EYS: variants seen among roughly 807,000 people sequenced by gnomAD.
EYS encodes EGF-like photoreceptor maintenance factor.
A neutral mutation model predicts 282.1 loss-of-function variants in EYS; 250 were observed. That is an observed-to-expected ratio of 0.89 (90% confidence interval 0.80 to 0.98). The LOEUF (loss-of-function observed/expected upper bound fraction) is 0.98, where lower values mean the gene tolerates loss of function less well. Among genes scored for constraint, EYS ranks in the 50% least tolerant of loss-of-function variants. The pLI is 0.00. For missense variants in EYS, 4,016 were observed against 3,709.0 expected, an observed-to-expected ratio of 1.08 and a Z score of -2.15; for synonymous variants, 1,355 against 1,282.9, an observed-to-expected ratio of 1.06 and a Z score of -1.20.
Position 65,044,267 on chromosome 6 carries a change from C to T in EYS, c.2137+13347G>A, listed in dbSNP as rs536437714. Among the ~76,000 whole-genome samples the T allele has an allele frequency of 2.0e-5, 3 of 150,192 alleles. No individual in the cohort carries two copies. In the East Asian group the frequency reaches 6.2e-4, roughly 31 times the overall value. ...TTTTTGTTATAGAGTTGTTTTTGTT[C>T]CTTATATATTTTGGATATTAATTCC... On this transcript the variant is annotated intron_variant, in intron 13 of 42. Transcript: ENST00000503581.
intron 11 of EYS, chr6:65,302,960 G>A (rs2150292060): frequency 6.2e-7 from 1 of 1,607,250 alleles, no homozygotes; most frequent in Middle Eastern, 1.7e-4. Context: ...TTCCGAAAAT[G>A]TTCCTAGCCC....
At chr6:63,934,234 A>T (rs1266257571) in intron 35 of EYS, among the ~76,000 whole-genome samples, 1 of 152,210 alleles carries the variant, frequency 6.6e-6, no homozygotes, top group Non-Finnish European at 1.5e-5. Context: ...GGCGATCATT[A>T]AAAAATCAGG....
At chr6:64,864,174 A>G (rs1238510246) in intron 19 of EYS, among the ~76,000 whole-genome samples, 1 of 152,060 alleles carries the variant, frequency 6.6e-6, no homozygotes, top group Admixed American at 6.6e-5. Flanking sequence ...GTTACTAATC[A>G]TAAGTCATAC....
intron 11 of EYS, among the ~76,000 whole-genome samples, chr6:65,297,769 A>G (rs1203063924): frequency 6.6e-6 from 1 of 152,028 alleles, no homozygotes; most frequent in Non-Finnish European, 1.5e-5. Context: ...CTTCCCTTCA[A>G]TACCTTTCCT....
At chr6:64,188,325 A>T (rs536836491) in intron 31 of EYS, among the ~76,000 whole-genome samples, 1 of 152,242 alleles carries the variant, frequency 6.6e-6, no homozygotes, top group Admixed American at 6.6e-5. Context: ...AATAGTTCTG[A>T]TCATCTTTTT....
chr6:65,405,859 T>G (rs958898670), intron 5 of EYS, among the ~76,000 whole-genome samples: 3 of 152,136 alleles, frequency 2.0e-5, no homozygotes, highest in African/African-American at 4.8e-5. Flanking sequence ...TTTCAGTTTT[T>G]GGTTCTCATG....
At chr6:65,242,876 C>T (rs542454008) in intron 12 of EYS, among the ~76,000 whole-genome samples, 2 of 151,966 alleles carry the variant, frequency 1.3e-5, no homozygotes, top group South Asian at 2.1e-4. Context: ...CTAATGATGT[C>T]AAGTATATTT....
At chr6:65,279,146 G>A (rs1412499662) in intron 12 of EYS, among the ~76,000 whole-genome samples, 1 of 151,822 alleles carries the variant, frequency 6.6e-6, no homozygotes, top group African/African-American at 2.4e-5. Context: ...CCAAGATCAC[G>A]CCACTGCACT....
intron 22 of EYS, among the ~76,000 whole-genome samples, chr6:64,721,625 ACT>A (rs1771585290): frequency 6.6e-6 from 1 of 151,992 alleles, no homozygotes; most frequent in Non-Finnish European, 1.5e-5. Context: ...AATTTATTCT[ACT>A]CTGTCATTTT....
intron 29 of EYS, among the ~76,000 whole-genome samples, chr6:64,362,753 A>C: frequency 6.6e-6 from 1 of 151,922 alleles, no homozygotes; most frequent in South Asian, 2.1e-4. Flanking sequence ...ACTATAAAAT[A>C]ATATGAAGTA....
intron 22 of EYS, among the ~76,000 whole-genome samples, chr6:64,759,958 C>T: frequency 6.6e-6 from 1 of 152,084 alleles, no homozygotes; most frequent in East Asian, 1.9e-4. Flanking sequence ...ATATTTGAGG[C>T]AAAAAAATGT....
rs1276184135 is a variant in EYS at position 63,762,534 on chromosome 6, T to C, written c.7998A>G (p.Ala2666=). 4 of 1,550,312 alleles carry C rather than the reference T, an allele frequency of 2.6e-6. No homozygotes were observed. Among genetic ancestry groups the C allele is most frequent in the Non-Finnish European group, 3.5e-6 (4 of 1,146,128 alleles). The change falls in exon 41 of 43, where the codon GCA becomes GCG. Residue 2666 remains alanine, a synonymous_variant. Transcript: ENST00000503581. ...ATCCATGAGGTAATGAAATGCAGGT[T>C]GCTCCTCTGCTACAGTGGTGTGGAG... ...HDPPHHCSRG[A]TCISLPHGYT...
chr6:64,352,509 C>T (rs1308511345), intron 29 of EYS, among the ~76,000 whole-genome samples: 2 of 151,492 alleles, frequency 1.3e-5, no homozygotes, highest in Admixed American at 6.6e-5. Context: ...CCCCACTAAC[C>T]TATGAAACCC....
chr6:64,331,571 A>T (rs1210395776), intron 29 of EYS, among the ~76,000 whole-genome samples: 3 of 143,530 alleles, frequency 2.1e-5, no homozygotes, highest in Non-Finnish European at 4.5e-5. Context: ...AAGTTCTCAG[A>T]TGGGAGGCTC....
At chr6:65,393,346 G>A (rs568582092) in intron 7 of EYS, among the ~76,000 whole-genome samples, 2 of 152,076 alleles carry the variant, frequency 1.3e-5, no homozygotes, top group East Asian at 3.9e-4. Context: ...CCTTATAAAT[G>A]TGACTATTGA....
intron 12 of EYS, among the ~76,000 whole-genome samples, chr6:65,131,781 C>T (rs1190406587): frequency 6.6e-6 from 1 of 151,718 alleles, no homozygotes; most frequent in Non-Finnish European, 1.5e-5. Context: ...TCAACAAATC[C>T]AGGAGTTGGT....
chr6:63,848,953 G>T (rs1772171626), intron 36 of EYS, among the ~76,000 whole-genome samples: 1 of 152,212 alleles, frequency 6.6e-6, no homozygotes. Context: ...CTTGCTGCCA[G>T]CACAGCAGTC....
At chr6:63,933,616 G>A (rs1470493684) in intron 35 of EYS, among the ~76,000 whole-genome samples, 1 of 152,124 alleles carries the variant, frequency 6.6e-6, no homozygotes, top group Non-Finnish European at 1.5e-5. Flanking sequence ...GAGGTCTGGG[G>A]TGGGGCTGAA....
At chr6:64,132,207 A>T (rs1049955071) in intron 31 of EYS, among the ~76,000 whole-genome samples, 1 of 152,124 alleles carries the variant, frequency 6.6e-6, no homozygotes, top group Non-Finnish European at 1.5e-5. Context: ...TATTAAAAGT[A>T]AGGTATAAAA....
Sources: allele counts gnomAD v4.1 joint callset (sites outside exome capture counted in the v4.1 genomes callset), GRCh38; gene constraint gnomAD v4.1.1; transcripts MANE v1.5; gene names NCBI Gene and HGNC (gene_info 2026-07-23, HGNC 2026-07-21).